ARSB: variants seen among roughly 807,000 people sequenced by gnomAD.
ARSB encodes the protein arylsulfatase B.
ARSB carries 41 observed loss-of-function variants against 50.9 expected under a neutral mutation model. The observed-to-expected ratio is 0.81, with a 90% CI of 0.63 to 1.04. ARSB has a LOEUF of 1.04. Ranked by LOEUF, ARSB falls within the 50% of genes least tolerant of loss-of-function variation. ARSB has a pLI of 0.00. For synonymous variants in ARSB, 269 were observed against 284.8 expected (o/e 0.94, Z 0.56); for missense variants, 672 against 693.3 (o/e 0.97, Z 0.35).
intron 5 of ARSB, among the ~76,000 whole-genome samples, chr5:78,872,864 A>C (rs1460536812): frequency 1.3e-5 from 2 of 151,710 alleles, no homozygotes; most frequent in Admixed American, 1.3e-4. Context: ...AAGAAACTGC[A>C]CTTCACTATA....
chr5:78,984,943 G>C lies in ARSB; in HGVS notation c.306C>G (p.Arg102=), dbSNP rs776741493. Residue 102 remains arginine, a synonymous_variant, in exon 1 of 8, where the codon CGC becomes CGG. Coordinates refer to ENST00000264914, the MANE Select transcript of ARSB (RefSeq NM_000046.5). ...TPSRSQLLTG[R]YQIRTGLQHQ... ...CGGCGGGGGCGCCGCGTACCTGGTAGCGGCCAGTGAGCAGCTGGCTCCGCG... is the reference window on the plus strand; with the variant it reads ...CGGCGGGGGCGCCGCGTACCTGGTACCGGCCAGTGAGCAGCTGGCTCCGCG... 3 of 1,421,844 alleles carry C rather than the reference G, an allele frequency of 2.1e-6. No homozygotes were observed. The highest frequency in any genetic ancestry group is 3.2e-5 in the South Asian group (2 of 62,874). 88.1% of individuals were successfully genotyped at this position (1,421,844 alleles called of 1,614,324 possible).
chr5:78,822,887 C>T (rs542806183), intron 6 of ARSB, among the ~76,000 whole-genome samples: 2 of 152,332 alleles, frequency 1.3e-5, no homozygotes, highest in South Asian at 2.1e-4. Context: ...CCGCCCGCCT[C>T]GGCCTCCCAA....
At chr5:78,970,495 T>C (rs1752407755) in intron 1 of ARSB, among the ~76,000 whole-genome samples, 1 of 152,212 alleles carries the variant, frequency 6.6e-6, no homozygotes, top group African/African-American at 2.4e-5. Flanking sequence ...TTTAAATCTA[T>C]GCTCCCTGGG....
intron 6 of ARSB, among the ~76,000 whole-genome samples, chr5:78,813,676 G>C (rs141189692): frequency 0.02 from 3,037 of 152,148 alleles, 111 homozygotes; most frequent in African/African-American, 0.069. Context: ...AGGATCACTT[G>C]AGCCAGGGAG....
intron 4 of ARSB, among the ~76,000 whole-genome samples, chr5:78,950,167 C>T (rs983266323): frequency 1.3e-5 from 2 of 152,172 alleles, no homozygotes; most frequent in Non-Finnish European, 2.9e-5. Flanking sequence ...GTCTTCCTAA[C>T]AGCCACTAGT....
chr5:78,888,738 C>T (rs924781211), intron 4 of ARSB, among the ~76,000 whole-genome samples: 4 of 134,640 alleles, frequency 3.0e-5, no homozygotes, highest in African/African-American at 1.0e-4. Flanking sequence ...GAAAATTCTC[C>T]GGGTTGTACA....
At chr5:78,907,040 C>T (rs1461493690) in intron 4 of ARSB, among the ~76,000 whole-genome samples, 1 of 152,114 alleles carries the variant, frequency 6.6e-6, no homozygotes, top group Non-Finnish European at 1.5e-5. Context: ...GCAACATCCA[C>T]AGAAAGCATA....
chr5:78,842,053 GT>G (rs1200074192), intron 5 of ARSB, among the ~76,000 whole-genome samples: 1 of 151,982 alleles, frequency 6.6e-6, no homozygotes, highest in Non-Finnish European at 1.5e-5. Flanking sequence ...TCCGTTAATA[GT>G]TAACACTTTA....
chr5:78,886,034 C>G (rs1748019388), intron 4 of ARSB, among the ~76,000 whole-genome samples: 1 of 152,148 alleles, frequency 6.6e-6, no homozygotes, highest in South Asian at 2.1e-4. Flanking sequence ...TGATACATAT[C>G]TACCTTTAAA....
intron 5 of ARSB, among the ~76,000 whole-genome samples, chr5:78,839,832 G>A (rs533189050): frequency 1.3e-5 from 2 of 152,280 alleles, no homozygotes; most frequent in South Asian, 4.1e-4. Context: ...CAATATTACA[G>A]ATGCAACATG....
At chr5:78,927,513 ACTAT>A (rs991872648) in intron 4 of ARSB, among the ~76,000 whole-genome samples, 2 of 152,208 alleles carry the variant, frequency 1.3e-5, no homozygotes, top group African/African-American at 4.8e-5. Flanking sequence ...GTATAAAAAC[ACTAT>A]CTATAACACT....
At chr5:78,867,434 G>A (rs1286820557) in intron 5 of ARSB, among the ~76,000 whole-genome samples, 2 of 152,228 alleles carry the variant, frequency 1.3e-5, no homozygotes, top group Non-Finnish European at 2.9e-5. Context: ...CAGCCTTGAA[G>A]AGAGCAGTGG....
chr5:78,939,341 TACA>T (rs1750785351), intron 4 of ARSB, among the ~76,000 whole-genome samples: 3 of 152,030 alleles, frequency 2.0e-5, no homozygotes, highest in Non-Finnish European at 4.4e-5. Flanking sequence ...GCAGGTTTGT[TACA>T]TATGTATACA....
At chr5:78,818,777 G>A (rs1371348586) in intron 6 of ARSB, among the ~76,000 whole-genome samples, 2 of 151,878 alleles carry the variant, frequency 1.3e-5, no homozygotes, top group African/African-American at 2.4e-5. Flanking sequence ...GCTACCAGAA[G>A]GGACATGCTT....
intron 4 of ARSB, among the ~76,000 whole-genome samples, chr5:78,954,175 T>C (rs1312138680): frequency 2.7e-5 from 4 of 150,776 alleles, no homozygotes; most frequent in African/African-American, 9.7e-5. Context: ...ACAGAAAAAA[T>C]AGGGGAAGGT....
At chr5:78,925,355 A>T (rs1749998150) in intron 4 of ARSB, among the ~76,000 whole-genome samples, 1 of 152,222 alleles carries the variant, frequency 6.6e-6, no homozygotes, top group African/African-American at 2.4e-5. Context: ...CCAGTCATAT[A>T]CAGCAATAAA....
At chr5:78,950,773 C>G (rs139415548) in intron 4 of ARSB, among the ~76,000 whole-genome samples, 6 of 152,314 alleles carry the variant, frequency 3.9e-5, no homozygotes, top group Non-Finnish European at 8.8e-5. Flanking sequence ...AACCAGGAAA[C>G]AGTGACCAGA....
intron 4 of ARSB, among the ~76,000 whole-genome samples, chr5:78,953,536 T>C (rs989609615): frequency 1.3e-5 from 2 of 152,184 alleles, no homozygotes; most frequent in African/African-American, 4.8e-5. Flanking sequence ...CTATGCCTGA[T>C]TGAAAGCAAA....
intron 3 of ARSB, among the ~76,000 whole-genome samples, chr5:78,962,791 C>T (rs1276412764): frequency 1.3e-5 from 2 of 151,948 alleles, no homozygotes; most frequent in African/African-American, 2.4e-5. Context: ...ATTTGAAGTT[C>T]GAGGTAAAGT....
Sources: allele counts gnomAD v4.1 joint callset (sites outside exome capture counted in the v4.1 genomes callset), GRCh38; gene constraint gnomAD v4.1.1; transcripts MANE v1.5; gene names NCBI Gene and HGNC (gene_info 2026-07-23, HGNC 2026-07-21).